The following GRIP1 variants were observed in gnomAD, a reference collection of about 807,000 sequenced individuals.
The protein encoded by GRIP1 is glutamate receptor interacting protein 1, also known as glutamate receptor-interacting protein 1.
GRIP1 carries 45 observed loss-of-function variants against 129.9 expected under a neutral mutation model. The ratio of observed to expected loss-of-function variants is 0.35; its 90% CI spans 0.27 to 0.44. GRIP1 has a LOEUF of 0.44. Among genes scored for constraint, GRIP1 ranks in the 20% least tolerant of loss-of-function variants. The pLI, the probability that GRIP1 is intolerant of heterozygous loss-of-function variation, is 1.00. For synonymous variants in GRIP1, 530 were observed against 520.8 expected, an observed-to-expected ratio of 1.02 and a Z score of -0.24; for missense variants, 1,196 against 1,396.8, an observed-to-expected ratio of 0.86 and a Z score of 2.29.
chr12:66,819,094 C>T (rs1357254195), intron 1 of GRIP1, among the ~76,000 whole-genome samples: 1 of 152,154 alleles, frequency 6.6e-6, no homozygotes, highest in Non-Finnish European at 1.5e-5. Flanking sequence ...CCAGTATTCC[C>T]AAATGGACTG....
intron 2 of GRIP1, among the ~76,000 whole-genome samples, chr12:66,584,448 C>G (rs1296374771): frequency 6.6e-6 from 1 of 152,150 alleles, no homozygotes; most frequent in Non-Finnish European, 1.5e-5. Context: ...TGGCACATCT[C>G]TGTAATCCCA....
At chr12:66,742,870 C>G (rs1002796149) in intron 1 of GRIP1, among the ~76,000 whole-genome samples, 3 of 151,976 alleles carry the variant, frequency 2.0e-5, no homozygotes, top group African/African-American at 4.8e-5. Context: ...CAGTTAATGA[C>G]TAGCAAAAGT....
intron 1 of GRIP1, among the ~76,000 whole-genome samples, chr12:67,032,913 A>T (rs2043043424): frequency 6.6e-6 from 1 of 152,172 alleles, no homozygotes; most frequent in Non-Finnish European, 1.5e-5. Context: ...TTATCATTTT[A>T]ACAGGTAACC....
At chr12:66,618,044 G>A (rs900806450) in intron 1 of GRIP1, among the ~76,000 whole-genome samples, 5 of 152,050 alleles carry the variant, frequency 3.3e-5, no homozygotes, top group Non-Finnish European at 2.9e-5. Context: ...GTCTTCCCAT[G>A]TACATAATAA....
At chr12:66,843,029 A>G (rs1295957327) in intron 1 of GRIP1, among the ~76,000 whole-genome samples, 1 of 152,172 alleles carries the variant, frequency 6.6e-6, no homozygotes, top group Non-Finnish European at 1.5e-5. Context: ...AGAGCTTTAA[A>G]CTAAAATTGT....
chr12:66,996,776 C>T (rs2042473686), intron 1 of GRIP1, among the ~76,000 whole-genome samples: 1 of 152,072 alleles, frequency 6.6e-6, no homozygotes, highest in African/African-American at 2.4e-5. Flanking sequence ...TATGTGGATC[C>T]CCCTCACCCT....
intron 1 of GRIP1, among the ~76,000 whole-genome samples, chr12:66,737,039 T>C (rs142539792): frequency 6.6e-6 from 1 of 152,016 alleles, no homozygotes; most frequent in East Asian, 1.9e-4. Flanking sequence ...CAAAAAATAC[T>C]AATGTTAGAA....
At chr12:66,633,265 A>T (rs1341043122) in intron 1 of GRIP1, among the ~76,000 whole-genome samples, 2 of 145,858 alleles carry the variant, frequency 1.4e-5, no homozygotes, top group South Asian at 2.1e-4. Flanking sequence ...AATATATATA[A>T]AAATATATTA....
chr12:66,516,527 TAAGTC>T (rs925284963), intron 6 of GRIP1, among the ~76,000 whole-genome samples: 15 of 152,180 alleles, frequency 9.9e-5, no homozygotes, highest in Admixed American at 7.9e-4. Flanking sequence ...GTTCACTCTC[TAAGTC>T]TTTTGGCTCC....
At chr12:66,764,975 T>C (rs1334599401) in intron 1 of GRIP1, among the ~76,000 whole-genome samples, 1 of 152,228 alleles carries the variant, frequency 6.6e-6, no homozygotes, top group African/African-American at 2.4e-5. Context: ...CTTACAAAAC[T>C]TTATGAAGTA....
At chr12:66,841,394 C>T (rs2137049172) in intron 1 of GRIP1, among the ~76,000 whole-genome samples, 1 of 152,212 alleles carries the variant, frequency 6.6e-6, no homozygotes, top group South Asian at 2.1e-4. Context: ...GAGGAATAGG[C>T]TAGAAGCAAC....
intron 1 of GRIP1, among the ~76,000 whole-genome samples, chr12:66,828,314 T>A (rs1406968859): frequency 6.6e-6 from 1 of 152,174 alleles, no homozygotes; most frequent in Non-Finnish European, 1.5e-5. Flanking sequence ...TTAAAACTAA[T>A]GAATAGGCAT....
chr12:66,985,156 T>C (rs930754498), intron 1 of GRIP1, among the ~76,000 whole-genome samples: 1 of 152,182 alleles, frequency 6.6e-6, no homozygotes, highest in Non-Finnish European at 1.5e-5. Context: ...AAGAAGTACA[T>C]GGCATTTTTA....
At chr12:66,654,325 C>T (rs779079901) in intron 1 of GRIP1, among the ~76,000 whole-genome samples, 2 of 152,104 alleles carry the variant, frequency 1.3e-5, no homozygotes, top group Admixed American at 6.5e-5. Context: ...GTGAATACAA[C>T]CTGTGCCAAA....
intron 1 of GRIP1, among the ~76,000 whole-genome samples, chr12:66,903,894 G>C (rs983879142): frequency 1.3e-5 from 2 of 152,136 alleles, no homozygotes; most frequent in African/African-American, 2.4e-5. Flanking sequence ...AAGAGAGATG[G>C]AAGTTAAACT....
intron 1 of GRIP1, among the ~76,000 whole-genome samples, chr12:66,672,652 A>G (rs2034136221): frequency 1.3e-5 from 2 of 152,108 alleles, no homozygotes. Context: ...TAAAAGAGAG[A>G]AAAAGATGAG....
intron 2 of GRIP1, among the ~76,000 whole-genome samples, chr12:66,545,703 T>C (rs956449776): frequency 7.9e-5 from 12 of 152,220 alleles, no homozygotes; most frequent in Admixed American, 6.5e-4. Context: ...ACAAAATGGA[T>C]ACTATTCCTG....
chr12:66,963,468 C>A (rs920995397), intron 1 of GRIP1, among the ~76,000 whole-genome samples: 14 of 151,954 alleles, frequency 9.2e-5, no homozygotes, highest in African/African-American at 3.4e-4. Context: ...TATAATTGGA[C>A]CCATCTTAGA....
intron 14 of GRIP1, among the ~76,000 whole-genome samples, chr12:66,429,664 C>T (rs1203709086): frequency 6.6e-6 from 1 of 152,028 alleles, no homozygotes; most frequent in Non-Finnish European, 1.5e-5. Context: ...CCGCTGCACT[C>T]CAGCCTGGGT....
Sources: gnomAD v4.1 joint callset for allele counts (sites outside exome capture counted in the v4.1 genomes callset) on GRCh38, gnomAD v4.1.1 for gene constraint, MANE v1.5 for transcripts, NCBI Gene and HGNC (gene_info 2026-07-23, HGNC 2026-07-21) for gene names.